RASGRP3: variants seen among roughly 807,000 people sequenced by gnomAD.
RASGRP3 encodes RAS guanyl releasing protein 3, also known as ras guanyl-releasing protein 3.
Under a neutral mutation model 82.7 loss-of-function variants are expected in RASGRP3, and 54 were observed. That is an observed-to-expected ratio of 0.65 (90% CI 0.52 to 0.82). The LOEUF is 0.82. RASGRP3 is among the 40% of genes least tolerant of loss of function. The probability of loss-of-function intolerance (pLI) is 0.00; values close to 1 mark genes in which losing one functional copy is unlikely to be tolerated. For synonymous variants in RASGRP3, 309 were observed against 300.5 expected (o/e 1.03, Z -0.29); for missense variants, 861 against 828.9 (o/e 1.04, Z -0.48).
At chr2:33,508,001 C>T (rs147062154) in intron 1 of RASGRP3, among the ~76,000 whole-genome samples, 574 of 152,252 alleles carry the variant, frequency 3.8e-3, no homozygotes, top group Non-Finnish European at 6.7e-3. Context: ...TGGTTGGTGG[C>T]AGAATTTCTT....
intron 17 of RASGRP3, among the ~76,000 whole-genome samples, chr2:33,561,834 G>A (rs557435491): frequency 5.9e-5 from 9 of 152,150 alleles, no homozygotes; most frequent in Non-Finnish European, 1.2e-4. Flanking sequence ...CTGTGGCAGT[G>A]TATGTCATCT....
At chr2:33,445,780 A>G (rs756334513) in intron 1 of RASGRP3, among the ~76,000 whole-genome samples, 16 of 152,126 alleles carry the variant, frequency 1.1e-4, no homozygotes, top group Non-Finnish European at 2.1e-4. Context: ...AAACAGAAAA[A>G]GTATATACTG....
chr2:33,441,065 T>C (rs1456593563), intron 1 of RASGRP3, among the ~76,000 whole-genome samples: 1 of 152,110 alleles, frequency 6.6e-6, no homozygotes, highest in Non-Finnish European at 1.5e-5. Context: ...CTAATTTTTG[T>C]ATTTTTTAGT....
intron 1 of RASGRP3, among the ~76,000 whole-genome samples, chr2:33,509,710 C>G (rs979891693): frequency 1.3e-5 from 2 of 152,154 alleles, no homozygotes; most frequent in African/African-American, 2.4e-5. Context: ...TCCTTTAATT[C>G]TTTGCTAGAC....
chr2:33,522,332 A>T (rs181933354), intron 7 of RASGRP3, among the ~76,000 whole-genome samples: 2 of 152,196 alleles, frequency 1.3e-5, no homozygotes, highest in African/African-American at 4.8e-5. Context: ...GTCTCCTTTC[A>T]TAGGATTAAA....
chr2:33,484,345 C>G (rs1434608686), intron 1 of RASGRP3, among the ~76,000 whole-genome samples: 1 of 152,174 alleles, frequency 6.6e-6, no homozygotes, highest in Non-Finnish European at 1.5e-5. Flanking sequence ...GAATTTTAAA[C>G]AGTTTTAAAT....
rs548137635 is a variant in RASGRP3, at chr2:33,499,502, G to A, written c.-260-12208G>A. Among the ~76,000 whole-genome samples the A allele has an allele frequency of 3.9e-5, 6 of 152,148 alleles. No individual in the cohort carries two copies. In the East Asian group the frequency reaches 7.7e-4, roughly 20 times the overall value. ...GAACCCAGGAGGTGGAGGTTGCAGT[G>A]TGCCAAGATCACGCCACTGCACTCC... On this transcript the variant is annotated intron_variant, in intron 1 of 17. Transcript: ENST00000403687.
At chr2:33,561,801 A>C (rs771142651) in intron 17 of RASGRP3, among the ~76,000 whole-genome samples, 3 of 152,136 alleles carry the variant, frequency 2.0e-5, no homozygotes, top group African/African-American at 7.2e-5. Context: ...GCTCATTTTA[A>C]AATATAAGGG....
At chr2:33,473,715 C>T (rs1487177916), upstream of RASGRP3, among the ~76,000 whole-genome samples, 10 of 152,164 alleles carry the variant, frequency 6.6e-5, no homozygotes, top group East Asian at 1.9e-4. Context: ...TGAAAGGGTC[C>T]TGGGTCTTGG....
At chr2:33,461,152 T>G (rs542271627) in intron 2 of RASGRP3, among the ~76,000 whole-genome samples, 1 of 152,344 alleles carries the variant, frequency 6.6e-6, no homozygotes, top group South Asian at 2.1e-4. Context: ...TTTGAGAAGT[T>G]TTACCCCAAC....
At chr2:33,538,961 C>A in intron 11 of RASGRP3, 133 bp from the exon 12 acceptor site, 1 of 627,074 alleles carries the variant, frequency 1.6e-6, no homozygotes, top group Non-Finnish European at 2.8e-6. Flanking sequence ...ATGGCTTGAG[C>A]CCAGGAGGCA....
chr2:33,525,686 G>C (rs1672474693), intron 9 of RASGRP3, among the ~76,000 whole-genome samples: 3 of 102,242 alleles, frequency 2.9e-5, no homozygotes, highest in Non-Finnish European at 5.2e-5. Flanking sequence ...AACATAGCTA[G>C]ATCCTGTCTC....
At chr2:33,521,226 T>C (rs1057432786) in intron 6 of RASGRP3, among the ~76,000 whole-genome samples, 3 of 152,174 alleles carry the variant, frequency 2.0e-5, no homozygotes, top group African/African-American at 7.2e-5. Flanking sequence ...TGGTTGACCA[T>C]AGATGTGCCA....
At chr2:33,508,114 G>A (rs1226117635) in intron 1 of RASGRP3, among the ~76,000 whole-genome samples, 4 of 152,200 alleles carry the variant, frequency 2.6e-5, no homozygotes, top group African/African-American at 9.6e-5. Context: ...GTTGGCTGAT[G>A]GTGCCATTCC....
At chr2:33,437,037 A>G (rs114891798) in intron 1 of RASGRP3, among the ~76,000 whole-genome samples, 3,774 of 152,272 alleles carry the variant, frequency 0.025, 141 homozygotes, top group African/African-American at 0.086. Context: ...AAAGTTATAT[A>G]TAAAATTTAA....
At chr2:33,543,188 GT>G (rs983906928) in intron 12 of RASGRP3, among the ~76,000 whole-genome samples, 1 of 151,924 alleles carries the variant, frequency 6.6e-6, no homozygotes, top group Non-Finnish European at 1.5e-5. Flanking sequence ...AATTAAAAAT[GT>G]TTTTTTGTAG....
chr2:33,538,988 G>A lies in RASGRP3; in HGVS notation c.1162-106G>A, dbSNP rs1673942840. 3.0e-5 allele frequency: 23 copies of A among 765,154 alleles called. 1 individual carries two copies. Among genetic ancestry groups the A allele is most frequent in the South Asian group, 1.5e-4 (8 of 52,712 alleles). 47.4% of individuals were successfully genotyped at this position (765,154 alleles called of 1,614,324 possible). A position where few individuals can be genotyped will look rare whatever the true frequency, so the allele number is the denominator to read the frequency against. On this transcript the variant is annotated intron_variant, in intron 11 of 17. Coordinates refer to ENST00000403687, the MANE Select transcript of RASGRP3 (RefSeq NM_001139488.2). The stretch of plus-strand genomic sequence containing the variant: ...CAGGAGGCAGAAATTGTAGTGAGCC[G>A]AAATTACACCACTGCACTCCAGCCT...
intron 7 of RASGRP3, among the ~76,000 whole-genome samples, chr2:33,522,603 T>G (rs1282197690): frequency 1.3e-5 from 2 of 152,210 alleles, no homozygotes; most frequent in Non-Finnish European, 2.9e-5. Flanking sequence ...CCTACTCATC[T>G]TGATGGAGCC....
At chr2:33,447,071 A>G (rs1665538849) in intron 1 of RASGRP3, among the ~76,000 whole-genome samples, 1 of 145,572 alleles carries the variant, frequency 6.9e-6, no homozygotes, top group Admixed American at 7.2e-5. Flanking sequence ...GTGAACCTAC[A>G]CTCCAGCCTG....
Sources: gnomAD v4.1 joint callset for allele counts (sites outside exome capture counted in the v4.1 genomes callset) on GRCh38, gnomAD v4.1.1 for gene constraint, MANE v1.5 for transcripts, NCBI Gene and HGNC (gene_info 2026-07-23, HGNC 2026-07-21) for gene names.